PTPRU: variants seen among roughly 807,000 people sequenced by gnomAD.
PTPRU encodes protein tyrosine phosphatase receptor type U.
Under a neutral mutation model 166.3 loss-of-function variants are expected in PTPRU, and 69 were observed. That is an observed-to-expected ratio of 0.41 (90% CI 0.34 to 0.51). PTPRU has a LOEUF of 0.51. Among genes scored for constraint, PTPRU ranks in the 20% least tolerant of loss-of-function variants. PTPRU has a pLI of 0.09. For synonymous variants in PTPRU, 793 were observed against 814.0 expected (o/e 0.97, Z 0.44); for missense variants, 1,657 against 2,013.7 (o/e 0.82, Z 3.39).
chr1:29,319,960 C>T (rs1411130990), intron 25 of PTPRU, among the ~76,000 whole-genome samples: 2 of 152,140 alleles, frequency 1.3e-5, no homozygotes, highest in African/African-American at 2.4e-5. Flanking sequence ...CAGTGAGCAG[C>T]GTCGGGGCCT....
chr1:29,296,971 G>T (rs1032562571), intron 15 of PTPRU, among the ~76,000 whole-genome samples: 1 of 150,632 alleles, frequency 6.6e-6, no homozygotes. Flanking sequence ...TCAGTGTTAT[G>T]CACTTATTAA....
At chr1:29,246,642 A>G (rs1023261559) in intron 1 of PTPRU, among the ~76,000 whole-genome samples, 1 of 151,456 alleles carries the variant, frequency 6.6e-6, no homozygotes, top group African/African-American at 2.4e-5. Context: ...TTAAGATGGA[A>G]TCTCACTCTG....
At position 29,320,811 on chromosome 1, in the gene PTPRU, T is replaced by C. The variant is rs779207570; in HGVS notation, c.3814T>C (p.Ser1272Pro). The change falls in exon 26 of 30, where the codon TCC becomes CCC. Residue 1272 changes from serine (S) to proline (P), a missense_variant. Coordinates refer to ENST00000373779, the MANE Select transcript of PTPRU (RefSeq NM_133178.4). The surrounding 1 kb of genome is among the most constrained non-coding windows in gnomAD (Gnocchi z 5.2). ...CGTCATGCTCAACCAGCTGAACCAG[T>C]CCAACTCCGCCTGGGTGAGGCCTCC... Reference protein sequence around the residue: ...SIVMLNQLNQSNSAWPCLQYW... With the variant: ...SIVMLNQLNQPNSAWPCLQYW... 3 of 1,586,740 alleles carry C rather than the reference T, an allele frequency of 1.9e-6. No individual in the cohort carries two copies. Among genetic ancestry groups the C allele is most frequent in the Non-Finnish European group, 1.7e-6 (2 of 1,160,012 alleles).
At chr1:29,245,417 C>T (rs1055989714) in intron 1 of PTPRU, among the ~76,000 whole-genome samples, 2 of 152,138 alleles carry the variant, frequency 1.3e-5, no homozygotes, top group African/African-American at 4.8e-5. Context: ...GGGATCTGAG[C>T]TCCCCTCTCC....
At position 29,259,504 on chromosome 1, in the gene PTPRU, C is replaced by G. The variant is rs370586274; in HGVS notation, c.615C>G (p.Asn205Lys). 6.2e-7 allele frequency: 1 copy of G among 1,605,020 alleles called. No individual in the cohort carries two copies. The highest frequency in any genetic ancestry group is 8.5e-7 in the Non-Finnish European group (1 of 1,174,862). Residue 205 changes from asparagine (N) to lysine (K), a missense_variant, in exon 5 of 30, where the codon AAC (asparagine) becomes AAG (lysine). By Grantham distance (94) the Asn-to-Lys change is moderately conservative. Coordinates refer to ENST00000373779, the MANE Select transcript of PTPRU (RefSeq NM_133178.4). Reference protein sequence around the residue: ...LGDVEVNAGQNASFQCMAAGR... With the variant: ...LGDVEVNAGQKASFQCMAAGR... Reference sequence around the variant, plus strand: ...ACGTGGAGGTCAACGCGGGCCAGAACGCGTCGTTCCAGTGCATGGCCGCGG... The same window carrying G: ...ACGTGGAGGTCAACGCGGGCCAGAAGGCGTCGTTCCAGTGCATGGCCGCGG...
rs78461693 is a variant in PTPRU at position 29,247,751 on chromosome 1, A to G, written c.74-7524A>G. ...GCTAACTCTGGGATTTGCAGCACAT[A>G]TTGATCAGGGAGATGGGGAGTGGGC... On this transcript the variant is annotated intron_variant, in intron 1 of 29. Transcript: ENST00000373779. Among the ~76,000 whole-genome samples the G allele has an allele frequency of 8.5e-3, 1,290 of 152,196 alleles. 10 individuals carry two copies. Among genetic ancestry groups the G allele is most frequent in the Middle Eastern group, 0.027 (8 of 294 alleles).
In PTPRU at chr1:29,315,605, C is replaced by CT; in HGVS notation, c.3363+99dup. ...CGGCAGAGCATGCCCAAAGGGTGTCCTGAGGCTCTTGCCTTCCCTCAGATC... is the reference window on the plus strand; with the variant it reads ...CGGCAGAGCATGCCCAAAGGGTGTCCTTGAGGCTCTTGCCTTCCCTCAGATC... On this transcript the variant is annotated intron_variant, in intron 23 of 29. Transcript: ENST00000373779. The surrounding 1 kb of genome is among the most constrained non-coding windows in gnomAD (Gnocchi z 4.5). The CT allele has an allele frequency of 6.5e-7, 1 of 1,528,278 alleles. No homozygotes were observed. 94.7% of individuals were successfully genotyped at this position (1,528,278 alleles called of 1,614,324 possible).
intron 15 of PTPRU, among the ~76,000 whole-genome samples, chr1:29,302,248 A>G (rs754077078): frequency 1.1e-4 from 16 of 152,090 alleles, no homozygotes; most frequent in Non-Finnish European, 1.9e-4. Flanking sequence ...AAAGTATAGA[A>G]TAAAGATAGA....
At chr1:29,322,751 T>C (rs1251372079) in intron 26 of PTPRU, among the ~76,000 whole-genome samples, 1 of 152,072 alleles carries the variant, frequency 6.6e-6, no homozygotes, top group Non-Finnish European at 1.5e-5. Flanking sequence ...AAACTGAGGC[T>C]CAGGATACTT....
intron 18 of PTPRU, among the ~76,000 whole-genome samples, chr1:29,310,339 T>C (rs1687589470): frequency 1.3e-5 from 2 of 152,072 alleles, no homozygotes; most frequent in African/African-American, 4.8e-5. Context: ...GCTCTGGTTA[T>C]CCCACGTGTG....
chr1:29,301,949 T>C (rs1245643884), intron 15 of PTPRU, among the ~76,000 whole-genome samples: 2 of 152,182 alleles, frequency 1.3e-5, no homozygotes, highest in African/African-American at 4.8e-5. Flanking sequence ...TTCCATAGTG[T>C]GTATGTGCCA....
At position 29,280,663 on chromosome 1, in the gene PTPRU, G is replaced by GTGTA. The variant is rs1486147246; in HGVS notation, c.1868+525_1868+526insATGT. 6.6e-6 allele frequency among the ~76,000 whole-genome samples: 1 copy of GTGTA among 151,692 alleles called. No individual in the cohort carries two copies. The highest frequency in any genetic ancestry group is 2.4e-5 in the African/African-American group (1 of 41,276). On this transcript the variant is annotated intron_variant, in intron 11 of 29. Coordinates refer to ENST00000373779, the MANE Select transcript of PTPRU (RefSeq NM_133178.4). This position sits in a 1 kb window ranked among gnomAD's most constrained non-coding sequence, Gnocchi z 4.2. ...TGGAGACAAGACTGTGTGTGTGTGT[G>GTGTA]TGTGTGTGTGTGTGTGTATGTGGGA... is the stretch of plus-strand genomic sequence containing the variant.
At chr1:29,249,019 A>C (rs1684422893) in intron 1 of PTPRU, among the ~76,000 whole-genome samples, 1 of 152,196 alleles carries the variant, frequency 6.6e-6, no homozygotes, top group Non-Finnish European at 1.5e-5. Context: ...GGATTCAGAG[A>C]GGGCAAGTCA....
At chr1:29,277,174 C>T (rs1685842486) in intron 8 of PTPRU, among the ~76,000 whole-genome samples, 1 of 152,188 alleles carries the variant, frequency 6.6e-6, no homozygotes, top group Non-Finnish European at 1.5e-5. Flanking sequence ...AATCTCGGCT[C>T]ACTGCAAACT....
intron 25 of PTPRU, 95 bp downstream of exon 25, chr1:29,318,016 TGGG>T (rs1434596122): frequency 6.8e-7 from 1 of 1,473,398 alleles, no homozygotes; most frequent in Non-Finnish European, 9.2e-7. Context: ...AAGGCTCTGT[TGGG>T]GGGACCCCTG....
rs1014398356 is a variant in PTPRU, at chr1:29,237,190, T to C, written c.73+473T>C. 1.3e-5 allele frequency among the ~76,000 whole-genome samples: 2 copies of C among 152,158 alleles called. No individual in the cohort carries two copies. Among genetic ancestry groups the C allele is most frequent in the African/African-American group, 4.8e-5 (2 of 41,430 alleles). On this transcript the variant is annotated intron_variant, in intron 1 of 29. Coordinates refer to ENST00000373779, the MANE Select transcript of PTPRU (RefSeq NM_133178.4). The surrounding 1 kb of genome is among the most constrained non-coding windows in gnomAD (Gnocchi z 6.4). ...GTTATGCCTGTGGCCAAGGGTGCTC[T>C]CTGGATCCCGCCTGAGTGTGGATCC...
chr1:29,274,551 C>G (rs1156482600), intron 7 of PTPRU, among the ~76,000 whole-genome samples: 2 of 152,130 alleles, frequency 1.3e-5, no homozygotes, highest in Middle Eastern at 3.2e-3. Context: ...GTTTCCCTGT[C>G]ATTCTCTGGC....
In PTPRU at chr1:29,312,671, C is replaced by T. The variant is rs756104223; in HGVS notation, c.3192C>T (p.Thr1064=). The change falls in exon 22 of 30, where the codon ACC becomes ACT. Residue 1064 remains threonine, a synonymous_variant. Transcript: ENST00000373779. ...TCATCCGGCGCGTGAAGGCCTCCAC[C>T]CCACCTGATGCCGGGCCCATTGTCA... ...LAFIRRVKAS[T]PPDAGPIVIH... The T allele has an allele frequency of 6.2e-7, 1 of 1,610,020 alleles. No homozygotes were observed. The highest frequency in any genetic ancestry group is 8.5e-7 in the Non-Finnish European group (1 of 1,177,194).
chr1:29,250,545 C>T (rs898734583), intron 1 of PTPRU, among the ~76,000 whole-genome samples: 1 of 152,150 alleles, frequency 6.6e-6, no homozygotes, highest in African/African-American at 2.4e-5. Flanking sequence ...ATAATACTAC[C>T]TACCTTCTGA....
Sources: allele counts gnomAD v4.1 joint callset (sites outside exome capture counted in the v4.1 genomes callset), GRCh38; gene constraint gnomAD v4.1.1; non-coding constraint Gnocchi (gnomAD v3.1); transcripts MANE v1.5; gene names NCBI Gene and HGNC (gene_info 2026-07-23, HGNC 2026-07-21).